The following PARVA variants were observed in gnomAD, a reference collection of about 807,000 sequenced individuals.
PARVA encodes parvin alpha, also known as alpha-parvin.
In PARVA, 25 loss-of-function variants were observed where a neutral mutation model predicts 52.6. That is an observed-to-expected ratio of 0.48 (90% CI 0.35 to 0.66). The LOEUF (loss-of-function observed/expected upper bound fraction) is 0.66, where lower values mean the gene tolerates loss of function less well. Ranked by LOEUF, PARVA falls within the 30% of genes least tolerant of loss-of-function variation. The pLI, the probability that PARVA is intolerant of heterozygous loss-of-function variation, is 0.01. For missense variants in PARVA, 373 were observed against 450.9 expected (o/e 0.83, Z 1.56); for synonymous variants, 185 against 179.1 (o/e 1.03, Z -0.26).
At chr11:12,381,363 C>G (rs1227323577) in intron 1 of PARVA, among the ~76,000 whole-genome samples, 1 of 152,216 alleles carries the variant, frequency 6.6e-6, no homozygotes. Context: ...CTTCATTCCT[C>G]AAGATCACTG....
chr11:12,384,488 T>A (rs76892611), intron 1 of PARVA, among the ~76,000 whole-genome samples: 8,402 of 152,192 alleles, frequency 0.055, 722 homozygotes, highest in African/African-American at 0.19. Flanking sequence ...TTGGTAATGT[T>A]TGTATTTTGT....
intron 10 of PARVA, among the ~76,000 whole-genome samples, chr11:12,516,472 T>C (rs937604124): frequency 1.3e-5 from 2 of 151,962 alleles, no homozygotes; most frequent in African/African-American, 2.4e-5. Flanking sequence ...CCTCAGTGTA[T>C]GCTCACTTCA....
rs1361998296 is a variant in PARVA at position 12,528,088 on chromosome 11, C to A, written c.*163C>A. The A allele has an allele frequency of 4.6e-6, 3 of 655,516 alleles. No homozygotes were observed. Among genetic ancestry groups the A allele is most frequent in the African/African-American group, 1.8e-5 (1 of 56,244 alleles). 40.6% of individuals were successfully genotyped at this position (655,516 alleles called of 1,614,324 possible). A position where few individuals can be genotyped will look rare whatever the true frequency, so the allele number is the denominator to read the frequency against. The stretch of plus-strand genomic sequence containing the variant: ...TGGAAACTGAAATTAGGAAGGAAAT[C>A]ATCAATAACTCAGTGGGCTGACCCA... On this transcript the variant is annotated 3_prime_UTR_variant, in exon 13 of 13. Coordinates refer to ENST00000334956, the MANE Select transcript of PARVA (RefSeq NM_018222.5).
At chr11:12,429,732 G>A (rs1940289230) in intron 1 of PARVA, among the ~76,000 whole-genome samples, 2 of 152,038 alleles carry the variant, frequency 1.3e-5, no homozygotes, top group Non-Finnish European at 2.9e-5. Flanking sequence ...TTATGCCGGT[G>A]GTTGCAAATT....
chr11:12,411,334 A>G (rs1394742826), intron 1 of PARVA, among the ~76,000 whole-genome samples: 1 of 152,200 alleles, frequency 6.6e-6, no homozygotes, highest in Non-Finnish European at 1.5e-5. Flanking sequence ...GAGTTCCCAT[A>G]GGCCCTGTAC....
chr11:12,439,778 A>C (rs1288386651), intron 1 of PARVA, among the ~76,000 whole-genome samples: 2 of 152,090 alleles, frequency 1.3e-5, no homozygotes, highest in East Asian at 3.9e-4. Flanking sequence ...ACAGGAGCAA[A>C]GTACATTTAC....
At chr11:12,484,782 G>A (rs1471378345) in intron 4 of PARVA, among the ~76,000 whole-genome samples, 2 of 149,102 alleles carry the variant, frequency 1.3e-5, no homozygotes, top group African/African-American at 2.5e-5. Flanking sequence ...GAAAGAGGGG[G>A]TATTTTGGTG....
At chr11:12,511,567 G>A in intron 8 of PARVA, 34 bp downstream of exon 8, 1 of 1,609,552 alleles carries the variant, frequency 6.2e-7, no homozygotes. Context: ...TGGCACTGGT[G>A]GCTGCACTGG....
intron 4 of PARVA, among the ~76,000 whole-genome samples, chr11:12,485,490 C>T (rs1941145892): frequency 6.6e-6 from 1 of 152,080 alleles, no homozygotes; most frequent in Non-Finnish European, 1.5e-5. Context: ...ATATACAGGG[C>T]CACACATTGA....
At chr11:12,465,873 C>T (rs1450617439) in intron 1 of PARVA, among the ~76,000 whole-genome samples, 1 of 152,180 alleles carries the variant, frequency 6.6e-6, no homozygotes, top group Non-Finnish European at 1.5e-5. Flanking sequence ...GGGTAAATAC[C>T]TAGGAGCTTG....
intron 1 of PARVA, among the ~76,000 whole-genome samples, chr11:12,471,277 T>A (rs1364093217): frequency 6.6e-6 from 1 of 152,202 alleles, no homozygotes; most frequent in Non-Finnish European, 1.5e-5. Flanking sequence ...AGTGATTAGA[T>A]TCATAAGCTT....
intron 1 of PARVA, among the ~76,000 whole-genome samples, chr11:12,454,502 G>C (rs1230502611): frequency 4.0e-5 from 6 of 150,758 alleles, no homozygotes; most frequent in African/African-American, 1.5e-4. Context: ...GCTTTGATCT[G>C]CCTCCTTATG....
chr11:12,383,367 C>T (rs954461152), intron 1 of PARVA, among the ~76,000 whole-genome samples: 2 of 152,226 alleles, frequency 1.3e-5, no homozygotes, highest in Admixed American at 6.5e-5. Flanking sequence ...GCTGAAGGCA[C>T]CCGAATTAGG....
At chr11:12,468,721 C>T (rs1018082594) in intron 1 of PARVA, among the ~76,000 whole-genome samples, 3 of 152,172 alleles carry the variant, frequency 2.0e-5, no homozygotes, top group Admixed American at 6.5e-5. Flanking sequence ...TATTTTTTCT[C>T]TGCCAACCTC....
At chr11:12,473,684 G>A in intron 1 of PARVA, 61 bp from the exon 2 acceptor site, 1 of 1,261,914 alleles carries the variant, frequency 7.9e-7, no homozygotes. Flanking sequence ...CCTTGTTACA[G>A]AGCTCCAACC....
At chr11:12,409,566 C>G (rs1487844524) in intron 1 of PARVA, among the ~76,000 whole-genome samples, 1 of 152,066 alleles carries the variant, frequency 6.6e-6, no homozygotes, top group Non-Finnish European at 1.5e-5. Context: ...GGAAGTGTGA[C>G]TATGGAAGAA....
chr11:12,416,945 TTTAGA>T (rs1333855682), intron 1 of PARVA, among the ~76,000 whole-genome samples: 4 of 152,176 alleles, frequency 2.6e-5, no homozygotes, highest in African/African-American at 9.7e-5. Context: ...TCTAGTAATC[TTTAGA>T]TTACTAAAGT....
chr11:12,451,086 G>C (rs192203622), intron 1 of PARVA, among the ~76,000 whole-genome samples: 1 of 152,328 alleles, frequency 6.6e-6, no homozygotes, highest in Non-Finnish European at 1.5e-5. Flanking sequence ...ACCAGTTGAG[G>C]CCTAGCTGTG....
intron 1 of PARVA, among the ~76,000 whole-genome samples, chr11:12,385,012 C>T (rs1285657746): frequency 6.6e-6 from 1 of 152,038 alleles, no homozygotes; most frequent in Non-Finnish European, 1.5e-5. Context: ...CTGAAGCAGG[C>T]AGAGATGAAG....
Sources: allele counts gnomAD v4.1 joint callset (sites outside exome capture counted in the v4.1 genomes callset), GRCh38; gene constraint gnomAD v4.1.1; transcripts MANE v1.5; gene names NCBI Gene and HGNC (gene_info 2026-07-23, HGNC 2026-07-21).